Variants in NELL2 observed in about 807,000 individuals in gnomAD.
NELL2 encodes protein kinase C-binding protein NELL2.
In NELL2, 41 loss-of-function variants were observed where a neutral mutation model predicts 109.6. The ratio of observed to expected loss-of-function variants is 0.37; its 90% CI spans 0.29 to 0.49. NELL2 has a LOEUF of 0.49. Ranked by LOEUF, NELL2 falls within the 20% of genes least tolerant of loss-of-function variation. The pLI is 0.98. For synonymous variants in NELL2, 355 were observed against 344.7 expected, an observed-to-expected ratio of 1.03 and a Z score of -0.33; for missense variants, 900 against 1,008.3, an observed-to-expected ratio of 0.89 and a Z score of 1.45.
At chr12:44,887,636 TTGTGTG>T (rs141640366) in intron 1 of NELL2, among the ~76,000 whole-genome samples, 38 of 149,234 alleles carry the variant, frequency 2.5e-4, no homozygotes, top group East Asian at 1.6e-3. Context: ...GGGGGGATTA[TTGTGTG>T]TGTGTGTGTG....
chr12:44,687,219 C>G (rs1413027287), intron 12 of NELL2, among the ~76,000 whole-genome samples: 1 of 152,156 alleles, frequency 6.6e-6, no homozygotes, highest in African/African-American at 2.4e-5. Context: ...AACTCCCTGA[C>G]CCCTTGCGCT....
intron 1 of NELL2, among the ~76,000 whole-genome samples, chr12:44,901,212 G>C (rs1013126563): frequency 1.3e-5 from 2 of 152,036 alleles, no homozygotes; most frequent in Non-Finnish European, 2.9e-5. Context: ...AAATGATAAA[G>C]GGGATATCAC....
At chr12:44,672,211 C>T (rs73100312) in intron 12 of NELL2, among the ~76,000 whole-genome samples, 1,941 of 152,272 alleles carry the variant, frequency 0.013, 17 homozygotes, top group Non-Finnish European at 0.021. Context: ...CCCGGGATGG[C>T]GAACCAGTAC....
intron 12 of NELL2, among the ~76,000 whole-genome samples, chr12:44,669,236 G>GA (rs1414920418): frequency 6.6e-6 from 1 of 151,938 alleles, no homozygotes; most frequent in Non-Finnish European, 1.5e-5. Flanking sequence ...CACATCTATA[G>GA]AAAAAAGTCT....
At chr12:44,912,523 A>G (rs1945791320) in intron 1 of NELL2, among the ~76,000 whole-genome samples, 1 of 152,274 alleles carries the variant, frequency 6.6e-6, no homozygotes, top group East Asian at 1.9e-4. Context: ...TTAAAGGAGA[A>G]AATCAGAGAA....
chr12:44,607,003 C>G (rs12818520), intron 15 of NELL2, among the ~76,000 whole-genome samples, 166 bp downstream of exon 15: 1 of 152,032 alleles, frequency 6.6e-6, no homozygotes, highest in Non-Finnish European at 1.5e-5. Context: ...AATCGCCCAG[C>G]GAAATGCATC....
intron 12 of NELL2, among the ~76,000 whole-genome samples, chr12:44,700,536 C>T (rs1313276895): frequency 6.6e-6 from 1 of 152,076 alleles, no homozygotes; most frequent in Non-Finnish European, 1.5e-5. Context: ...TACCTGAAGG[C>T]CCTTAGATAT....
intron 12 of NELL2, among the ~76,000 whole-genome samples, chr12:44,679,132 T>C (rs995885710): frequency 6.6e-6 from 1 of 151,986 alleles, no homozygotes; most frequent in African/African-American, 2.4e-5. Context: ...AGAGATGAGA[T>C]TTAGTATTCA....
At chr12:44,615,144 G>A (rs1426844824) in intron 13 of NELL2, among the ~76,000 whole-genome samples, 1 of 152,036 alleles carries the variant, frequency 6.6e-6, no homozygotes, top group African/African-American at 2.4e-5. Flanking sequence ...CTGCTTACAG[G>A]GGGTTGCAAG....
intron 15 of NELL2, among the ~76,000 whole-genome samples, chr12:44,556,587 A>C (rs1231912371): frequency 6.6e-6 from 1 of 152,222 alleles, no homozygotes; most frequent in Non-Finnish European, 1.5e-5. Context: ...CTGGCACTTT[A>C]ATAGCAAACT....
intron 3 of NELL2, among the ~76,000 whole-genome samples, chr12:44,799,052 G>A (rs1236369404): frequency 6.9e-6 from 1 of 145,298 alleles, no homozygotes; most frequent in African/African-American, 2.6e-5. Context: ...TCTGCCTCCC[G>A]GGTTCAAGTG....
intron 18 of NELL2, among the ~76,000 whole-genome samples, chr12:44,521,393 A>G (rs1319517112): frequency 7.3e-5 from 11 of 150,962 alleles, no homozygotes; most frequent in African/African-American, 1.9e-4. Flanking sequence ...AGCCGGGCGT[A>G]GTGGCGGGCG....
rs1566403640 is a variant in NELL2, at chr12:44,791,093, A to ATG, written c.336-11072_336-11071insCA. Reference sequence around the variant, plus strand: ...TATATATATATATACATATATATATATATGTATATATATATGTATATATAT... The same window carrying ATG: ...TATATATATATATACATATATATATATGTATGTATATATATATGTATATATAT... On this transcript the variant is annotated intron_variant, in intron 3 of 19. Transcript: ENST00000429094. Among the ~76,000 whole-genome samples, 78 of 14,458 alleles carry ATG rather than the reference A, an allele frequency of 5.4e-3. 5 individuals carry two copies. The highest frequency in any genetic ancestry group is 0.012 in the African/African-American group (72 of 5,946). The allele number at this position is 14,458 out of a possible 152,430, so 9.5% of individuals were successfully genotyped here. A position where few individuals can be genotyped will look rare whatever the true frequency, so the allele number is the denominator to read the frequency against.
chr12:44,875,379 G>A, intron 1 of NELL2, 26 bp from the exon 2 acceptor site: 3 of 1,613,872 alleles, frequency 1.9e-6, no homozygotes, highest in Non-Finnish European at 2.5e-6. Flanking sequence ...AGGTGGGAGA[G>A]AGAAAAAGGA....
intron 9 of NELL2, among the ~76,000 whole-genome samples, chr12:44,724,781 A>C (rs1414763524): frequency 6.6e-6 from 1 of 151,724 alleles, no homozygotes; most frequent in Non-Finnish European, 1.5e-5. Flanking sequence ...ATATGGAACC[A>C]AAAAAGAGCC....
intron 2 of NELL2, among the ~76,000 whole-genome samples, chr12:44,869,661 A>G (rs1399159191): frequency 6.6e-6 from 1 of 152,104 alleles, no homozygotes; most frequent in Admixed American, 6.6e-5. Context: ...CCTCTGCTGA[A>G]ATGGTTGAGG....
intron 13 of NELL2, among the ~76,000 whole-genome samples, chr12:44,655,901 A>T (rs57933837): frequency 0.16 from 24,572 of 152,132 alleles, 2,039 homozygotes; most frequent in East Asian, 0.21. Flanking sequence ...CTGATTTTCA[A>T]GTTTTATAAA....
At chr12:44,776,202 A>G in intron 7 of NELL2, 52 bp from the exon 8 acceptor site, 1 of 1,599,506 alleles carries the variant, frequency 6.3e-7, no homozygotes, top group Non-Finnish European at 8.5e-7. Flanking sequence ...AGCAACACAG[A>G]AATGTGAAAC....
At chr12:44,510,482 A>C (rs546738728) in intron 19 of NELL2, among the ~76,000 whole-genome samples, 1 of 152,360 alleles carries the variant, frequency 6.6e-6, no homozygotes, top group African/African-American at 2.4e-5. Flanking sequence ...ATTATACTTT[A>C]ATATGATAAA....
Sources: allele counts gnomAD v4.1 joint callset (sites outside exome capture counted in the v4.1 genomes callset), GRCh38; gene constraint gnomAD v4.1.1; transcripts MANE v1.5; gene names NCBI Gene and HGNC (gene_info 2026-07-23, HGNC 2026-07-21).